Variants in PLCB1 observed in about 807,000 individuals in gnomAD.
The protein encoded by PLCB1 is phospholipase C beta 1.
Under a neutral mutation model 161.8 loss-of-function variants are expected in PLCB1, and 46 were observed. The observed-to-expected ratio is 0.28, with a 90% CI of 0.22 to 0.36. The LOEUF (loss-of-function observed/expected upper bound fraction) is 0.36. PLCB1 is among the 10% of genes least tolerant of loss of function. The pLI, the probability that PLCB1 is intolerant of heterozygous loss-of-function variation, is 1.00. For synonymous variants in PLCB1, 517 were observed against 503.7 expected, an observed-to-expected ratio of 1.03 and a Z score of -0.35; for missense variants, 1,016 against 1,472.5, an observed-to-expected ratio of 0.69 and a Z score of 5.07.
At chr20:8,562,090 A>G (rs1986159302) in intron 3 of PLCB1, among the ~76,000 whole-genome samples, 1 of 152,016 alleles carries the variant, frequency 6.6e-6, no homozygotes, top group African/African-American at 2.4e-5. Flanking sequence ...TAGCTTAGCC[A>G]AAGTCTTTCA....
chr20:8,629,808 TTTTCTTTCTTTTCTTTCTTTC>T (rs1988474725), intron 4 of PLCB1, among the ~76,000 whole-genome samples: 3 of 99,760 alleles, frequency 3.0e-5, no homozygotes, highest in South Asian at 3.9e-4. Context: ...CTTTTCTTTC[TTTTCTTTCTTTTCTTTCTTTC>T]TTTCTTTCTT....
chr20:8,758,192 A>ATCTTTTAAGGGTAT lies in PLCB1; in HGVS notation c.2656+1016_2656+1029dup, dbSNP rs1275145061. 3.3e-5 allele frequency among the ~76,000 whole-genome samples: 5 copies of ATCTTTTAAGGGTAT among 150,520 alleles called. No homozygotes were observed. The South Asian group carries it at 1.1e-3, about 32-fold the overall frequency. On this transcript the variant is annotated intron_variant, in intron 24 of 31. Coordinates refer to ENST00000338037, the MANE Select transcript of PLCB1 (RefSeq NM_015192.4). ...TAGATCAGGGTGCCAGTAGATCCAGATCTTTTAAGGGTATTTCTCATGGGA... is the reference window on the plus strand; with the variant it reads ...TAGATCAGGGTGCCAGTAGATCCAGATCTTTTAAGGGTATTCTTTTAAGGGTATTTCTCATGGGA...
chr20:8,182,161 A>C (rs73895566), intron 2 of PLCB1, among the ~76,000 whole-genome samples: 3,462 of 152,302 alleles, frequency 0.023, 133 homozygotes, highest in African/African-American at 0.077. Flanking sequence ...TAGCAATTCT[A>C]GCAGATATAA....
At chr20:8,335,050 A>C (rs921634461) in intron 2 of PLCB1, among the ~76,000 whole-genome samples, 4 of 152,240 alleles carry the variant, frequency 2.6e-5, no homozygotes, top group Non-Finnish European at 4.4e-5. Flanking sequence ...CTATTCATCA[A>C]TACTTGAACT....
chr20:8,807,665 C>T (rs1006795866), intron 31 of PLCB1, among the ~76,000 whole-genome samples: 11 of 151,970 alleles, frequency 7.2e-5, no homozygotes, highest in African/African-American at 2.4e-4. Context: ...CCCTTTTCCC[C>T]CCTTCAAGTT....
At chr20:8,825,334 C>T (rs1194449555) in intron 31 of PLCB1, among the ~76,000 whole-genome samples, 1 of 152,096 alleles carries the variant, frequency 6.6e-6, no homozygotes, top group African/African-American at 2.4e-5. Flanking sequence ...TATAGGGGAT[C>T]GAAGATCAGG....
Position 8,733,657 on chromosome 20 carries a change from G to T in PLCB1, c.2043+265G>T, listed in dbSNP as rs6077416. Among the ~76,000 whole-genome samples, 16 of 149,910 alleles carry T rather than the reference G, an allele frequency of 1.1e-4. No individual in the cohort carries two copies. In the South Asian group the frequency reaches 1.7e-3, roughly 16 times the overall value. ...ACTGTTGTGGGGTGGGGGGAGCGGG[G>T]AGGGATAGCATTAGGAGATACACCT... On this transcript the variant is annotated intron_variant, in intron 19 of 31. Coordinates refer to ENST00000338037, the MANE Select transcript of PLCB1 (RefSeq NM_015192.4).
intron 2 of PLCB1, among the ~76,000 whole-genome samples, chr20:8,303,125 A>G (rs988656857): frequency 6.6e-6 from 1 of 152,204 alleles, no homozygotes; most frequent in South Asian, 2.1e-4. Context: ...TATCCTCTGT[A>G]TGTCCCCGAA....
At chr20:8,675,471 G>A (rs1014412189) in intron 9 of PLCB1, among the ~76,000 whole-genome samples, 1 of 151,986 alleles carries the variant, frequency 6.6e-6, no homozygotes, top group African/African-American at 2.4e-5. Flanking sequence ...GAAAGCCAGG[G>A]AATCCCATGA....
intron 2 of PLCB1, among the ~76,000 whole-genome samples, chr20:8,169,615 A>G (rs1010911832): frequency 6.6e-6 from 1 of 152,104 alleles, no homozygotes; most frequent in African/African-American, 2.4e-5. Flanking sequence ...CAGGGCCCCC[A>G]AGGAATGCCA....
intron 31 of PLCB1, among the ~76,000 whole-genome samples, chr20:8,826,453 G>A (rs549977825): frequency 2.7e-5 from 4 of 146,432 alleles, no homozygotes; most frequent in African/African-American, 7.5e-5. Context: ...AGGAGATCGC[G>A]CCACTGCACT....
intron 3 of PLCB1, among the ~76,000 whole-genome samples, chr20:8,452,557 T>C (rs1981119215): frequency 6.6e-6 from 1 of 152,226 alleles, no homozygotes; most frequent in African/African-American, 2.4e-5. Context: ...GTAGGTGCTG[T>C]TTTTGAAGAA....
At chr20:8,300,963 C>A (rs1277325821) in intron 2 of PLCB1, among the ~76,000 whole-genome samples, 1 of 152,138 alleles carries the variant, frequency 6.6e-6, no homozygotes, top group Non-Finnish European at 1.5e-5. Flanking sequence ...TTTCATTGAG[C>A]CTTTTGGGAA....
intron 3 of PLCB1, among the ~76,000 whole-genome samples, chr20:8,530,362 A>C (rs1416465578): frequency 6.6e-6 from 1 of 152,100 alleles, no homozygotes; most frequent in East Asian, 1.9e-4. Context: ...TTAAGTCTTA[A>C]CTACATCTTA....
intron 2 of PLCB1, among the ~76,000 whole-genome samples, chr20:8,317,720 C>G (rs1303999641): frequency 6.6e-6 from 1 of 152,132 alleles, no homozygotes; most frequent in Non-Finnish European, 1.5e-5. Context: ...GGATCAACAG[C>G]CTCTGCTGGT....
chr20:8,718,583 G>T (rs1979462123), intron 14 of PLCB1, among the ~76,000 whole-genome samples: 1 of 152,182 alleles, frequency 6.6e-6, no homozygotes, highest in Non-Finnish European at 1.5e-5. Flanking sequence ...TCTGACCACA[G>T]GCAGGAAATG....
intron 2 of PLCB1, among the ~76,000 whole-genome samples, chr20:8,229,359 A>G (rs1979880661): frequency 6.6e-6 from 1 of 152,168 alleles, no homozygotes; most frequent in Non-Finnish European, 1.5e-5. Context: ...GTAAGTTCCC[A>G]TATTTACTCT....
intron 23 of PLCB1, chr20:8,752,154 T>C (rs577870777): frequency 6.6e-6 from 1 of 152,324 alleles, no homozygotes; most frequent in South Asian, 2.1e-4. Context: ...CATGTAGACA[T>C]CTCTATCTCA....
intron 31 of PLCB1, among the ~76,000 whole-genome samples, chr20:8,812,118 C>T (rs1443168723): frequency 6.6e-6 from 1 of 151,976 alleles, no homozygotes; most frequent in African/African-American, 2.4e-5. Flanking sequence ...ATCTGGGGGG[C>T]TAGAGCCTTG....
Sources: allele counts gnomAD v4.1 joint callset (sites outside exome capture counted in the v4.1 genomes callset), GRCh38; gene constraint gnomAD v4.1.1; transcripts MANE v1.5; gene names NCBI Gene and HGNC (gene_info 2026-07-23, HGNC 2026-07-21).